Variants in IMPG2 observed in about 807,000 individuals in gnomAD.
IMPG2 encodes the protein interphotoreceptor matrix proteoglycan 2.
In IMPG2, 91 loss-of-function variants were observed where a neutral mutation model predicts 129.2. The ratio of observed to expected loss-of-function variants is 0.70; its 90% CI spans 0.59 to 0.84. The LOEUF (loss-of-function observed/expected upper bound fraction) is 0.84, where lower values mean the gene tolerates loss of function less well. Among genes scored for constraint, IMPG2 ranks in the 40% least tolerant of loss-of-function variants. The probability of loss-of-function intolerance (pLI) is 0.00; values close to 1 mark genes in which losing one functional copy is unlikely to be tolerated. For missense variants in IMPG2, 1,430 were observed against 1,461.7 expected, an observed-to-expected ratio of 0.98 and a Z score of 0.35; for synonymous variants, 510 against 517.7, an observed-to-expected ratio of 0.99 and a Z score of 0.20.
chr3:101,244,917 T>C (rs487623), intron 12 of IMPG2, 130 bp from the exon 13 acceptor site: 337,551 of 758,340 alleles, frequency 0.45, 77,931 homozygotes, highest in Non-Finnish European at 0.49. Flanking sequence ...TTTGCTTTTC[T>C]ATATCTAGCA....
intron 2 of IMPG2, among the ~76,000 whole-genome samples, chr3:101,314,934 C>T (rs569308608): frequency 5.7e-4 from 86 of 152,120 alleles, no homozygotes; most frequent in African/African-American, 1.9e-3. Flanking sequence ...TAGCAAATTC[C>T]ACACCTGACC....
chr3:101,228,798 C>G lies in IMPG2; in HGVS notation c.3712G>C (p.Val1238Leu), dbSNP rs1706250526. 6.2e-7 allele frequency: 1 copy of G among 1,613,406 alleles called. No homozygotes were observed. The highest frequency in any genetic ancestry group is 8.5e-7 in the Non-Finnish European group (1 of 1,179,384). Reference protein sequence around the residue: ...EFAAFVREQQVEEV With the variant: ...EFAAFVREQQLEEV ...TGGGGGGCTGTTTCAAAAGCTTACA[C>G]TTGTTGCTCTCTCACAAAAGCTGCA... Residue 1238 changes from valine to leucine, a missense_variant and splice_region_variant, in exon 18 of 19, where the codon GTG becomes CTG. By Grantham distance (32) the Val-to-Leu change is conservative. Coordinates refer to ENST00000193391, the MANE Select transcript of IMPG2 (RefSeq NM_016247.4).
At position 101,304,268 on chromosome 3, in the gene IMPG2, G is replaced by T. The variant is rs759184240; in HGVS notation, c.379C>A (p.Arg127=). ...VWEAFRTFWD[R]LPGREEYHYW... ...TGATATTCCTCACGCCCAGGAAGTC[G>T]ATCCCAAAAAGTCCTGAAGGCTTCC... The change falls in exon 3 of 19, where the codon CGA becomes AGA. Residue 127 remains arginine (R), a synonymous_variant. Coordinates refer to ENST00000193391, the MANE Select transcript of IMPG2 (RefSeq NM_016247.4). 6.2e-7 allele frequency: 1 copy of T among 1,613,714 alleles called. No individual in the cohort carries two copies.
At chr3:101,319,960 T>A in intron 1 of IMPG2, 128 bp from the exon 2 acceptor site, 1 of 938,050 alleles carries the variant, frequency 1.1e-6, no homozygotes, top group Non-Finnish European at 1.6e-6. Context: ...TAGGCAGGCA[T>A]GCATATCTAA....
intron 2 of IMPG2, among the ~76,000 whole-genome samples, chr3:101,315,495 C>A (rs757505710): frequency 8.6e-5 from 13 of 151,954 alleles, no homozygotes; most frequent in African/African-American, 2.9e-4. Flanking sequence ...ATTTCGTGCA[C>A]AAAATTATCA....
chr3:101,303,218 T>C (rs1434398472), intron 3 of IMPG2, among the ~76,000 whole-genome samples: 1 of 152,216 alleles, frequency 6.6e-6, no homozygotes, highest in Non-Finnish European at 1.5e-5. Flanking sequence ...CATATACTCA[T>C]TTAAACAAAC....
chr3:101,238,997 T>C (rs1327115788), intron 14 of IMPG2, among the ~76,000 whole-genome samples: 3 of 152,106 alleles, frequency 2.0e-5, no homozygotes, highest in African/African-American at 7.2e-5. Flanking sequence ...AAGACACACA[T>C]AGGCTCAAAA....
At chr3:101,245,699 T>A in intron 12 of IMPG2, 103 bp downstream of exon 12, 1 of 1,066,742 alleles carries the variant, frequency 9.4e-7, no homozygotes, top group Non-Finnish European at 1.5e-6. Flanking sequence ...TTCCCCCTAA[T>A]GAATGCTACC....
intron 2 of IMPG2, among the ~76,000 whole-genome samples, chr3:101,314,974 G>A (rs2058776298): frequency 6.6e-6 from 1 of 151,960 alleles, no homozygotes; most frequent in Admixed American, 6.6e-5. Context: ...CAAAATGCAG[G>A]CTCACTAGAC....
At chr3:101,318,453 T>C (rs1044270288) in intron 2 of IMPG2, among the ~76,000 whole-genome samples, 1 of 152,028 alleles carries the variant, frequency 6.6e-6, no homozygotes, top group African/African-American at 2.4e-5. Context: ...ATATACATTG[T>C]ACTACTTTAA....
At chr3:101,291,338 A>C (rs753129851) in intron 4 of IMPG2, 141 bp downstream of exon 4, 1 of 750,246 alleles carries the variant, frequency 1.3e-6, no homozygotes, top group Non-Finnish European at 2.4e-6. Context: ...GAGGAAAAAT[A>C]TTTGGGACTT....
rs1375326675 is a variant in IMPG2 at position 101,223,590 on chromosome 3, T to C, written c.*3379A>G. 2 of 152,178 alleles carry C rather than the reference T, an allele frequency of 1.3e-5. No individual in the cohort carries two copies. The highest frequency in any genetic ancestry group is 1.3e-4 in the Admixed American group (2 of 15,270). 9.4% of individuals were successfully genotyped at this position (152,178 alleles called of 1,614,324 possible). On this transcript the variant is annotated 3_prime_UTR_variant, in exon 19 of 19. Coordinates refer to ENST00000193391, the MANE Select transcript of IMPG2 (RefSeq NM_016247.4). ...ATAAAACAAGCATACAAATGAATAA[T>C]TAGTTCAGGTATCATACTTCAGCCA...
intron 6 of IMPG2, among the ~76,000 whole-genome samples, chr3:101,274,527 T>A (rs1271258081): frequency 6.6e-6 from 1 of 152,158 alleles, no homozygotes; most frequent in Admixed American, 6.5e-5. Context: ...ATTAGGAAAA[T>A]AGGTGCACAA....
intron 17 of IMPG2, 70 bp downstream of exon 17, chr3:101,229,310 A>ACCCCCCCCC: frequency 2.9e-6 from 1 of 348,672 alleles, no homozygotes. Flanking sequence ...ACCCCCACCC[A>ACCCCCCCCC]CCACCCCCTG....
Position 101,273,583 on chromosome 3 carries a change from C to A in IMPG2, c.826G>T (p.Glu276Ter), listed in dbSNP as rs746003280. Residue 276 changes from glutamate (E) to a stop codon, truncating the protein, a stop_gained and splice_region_variant, in exon 7 of 19, where the codon GAG (glutamate) becomes TAG (stop). Transcript: ENST00000193391. LOFTEE classifies it high-confidence loss of function. The part of the protein sequence containing the change: ...HQHLEEEFIS[E>*]VENAFTGLPG... ...TTGTTTTTTTTTTAATCACCCACCT[C>A]TGAAATAAATTCTTCTTCAAGGTGC... 4 of 1,613,816 alleles carry A rather than the reference C, an allele frequency of 2.5e-6. No individual in the cohort carries two copies. Among genetic ancestry groups the A allele is most frequent in the Non-Finnish European group, 3.4e-6 (4 of 1,179,938 alleles).
chr3:101,275,841 TATAA>T (rs1307694142), intron 5 of IMPG2, 96 bp from the exon 6 acceptor site: 2 of 892,808 alleles, frequency 2.2e-6, no homozygotes, highest in Non-Finnish European at 3.7e-6. Flanking sequence ...AAACCATTCC[TATAA>T]ATAGTTTGTT....
chr3:101,243,309 T>C (rs1576747786), intron 13 of IMPG2, among the ~76,000 whole-genome samples: 1 of 152,334 alleles, frequency 6.6e-6, no homozygotes, highest in East Asian at 1.9e-4. Context: ...TCCTTGTAAA[T>C]TATCACATCA....
rs1384726962 is a variant in IMPG2 at position 101,228,542 on chromosome 3, TTAAG to T, written c.3713+251_3713+254del. Among the ~76,000 whole-genome samples, 4 of 152,254 alleles carry T rather than the reference TTAAG, an allele frequency of 2.6e-5. No homozygotes were observed. The East Asian group carries it at 7.7e-4, about 29-fold the overall frequency. The stretch of plus-strand genomic sequence containing the variant: ...TCTGCCACTGGCTATCACTGTCATC[TTAAG>T]TAAGTCCCTTCATGTCTCCAAGATT... On this transcript the variant is annotated intron_variant, in intron 18 of 18. Coordinates refer to ENST00000193391, the MANE Select transcript of IMPG2 (RefSeq NM_016247.4).
Position 101,245,933 on chromosome 3 carries a change from C to T in IMPG2, c.1412G>A (p.Gly471Asp), listed in dbSNP as rs772942479. 28 of 1,614,026 alleles carry T rather than the reference C, an allele frequency of 1.7e-5. No homozygotes were observed. The highest frequency in any genetic ancestry group is 1.6e-4 in the Middle Eastern group (1 of 6,084). Residue 471 changes from glycine to aspartate, a missense_variant, in exon 12 of 19, where the codon GGC (glycine) becomes GAC (aspartate). By Grantham distance (94) the Gly-to-Asp change is moderately conservative. Coordinates refer to ENST00000193391, the MANE Select transcript of IMPG2 (RefSeq NM_016247.4). The stretch of plus-strand genomic sequence containing the variant: ...TAAAACCTCTGGGGAAGAGCTGAGG[C>T]CCATCTTCGAGGGAAAGGCTAATTT... ...THKLAFPSKM[G>D]LSSSPEVLEV...
Sources: allele counts gnomAD v4.1 joint callset (sites outside exome capture counted in the v4.1 genomes callset), GRCh38; gene constraint gnomAD v4.1.1; transcripts MANE v1.5; gene names NCBI Gene and HGNC (gene_info 2026-07-23, HGNC 2026-07-21).